The following CCDC60 variants were observed in gnomAD, a reference collection of about 807,000 sequenced individuals.
CCDC60 encodes the protein coiled-coil domain containing 60.
CCDC60 carries 54 observed loss-of-function variants against 63.5 expected under a neutral mutation model. That is an observed-to-expected ratio of 0.85 (90% CI 0.68 to 1.07). CCDC60 has a LOEUF of 1.07. Ranked by LOEUF, CCDC60 falls within the 50% of genes least tolerant of loss-of-function variation. The probability of loss-of-function intolerance (pLI) is 0.00; values close to 1 mark genes in which losing one functional copy is unlikely to be tolerated. For synonymous variants in CCDC60, 206 were observed against 238.8 expected (o/e 0.86, Z 1.27); for missense variants, 651 against 684.3 (o/e 0.95, Z 0.54).
intron 10 of CCDC60, among the ~76,000 whole-genome samples, chr12:119,523,252 C>T (rs1952578322): frequency 6.6e-6 from 1 of 152,210 alleles, no homozygotes; most frequent in Admixed American, 6.5e-5. Flanking sequence ...CATTACCTTG[C>T]TTGTTCCTCA....
chr12:119,440,800 G>C (rs1351645964), intron 2 of CCDC60, among the ~76,000 whole-genome samples: 1 of 152,188 alleles, frequency 6.6e-6, no homozygotes, highest in Non-Finnish European at 1.5e-5. Context: ...TTGCCCTTTA[G>C]AGGTGTACCA....
chr12:119,532,947 T>C (rs545358706), intron 13 of CCDC60, among the ~76,000 whole-genome samples: 1 of 152,332 alleles, frequency 6.6e-6, no homozygotes, highest in East Asian at 1.9e-4. Context: ...ATGGGATTGC[T>C]GGATCAAATG....
chr12:119,467,454 C>A (rs138725397), intron 2 of CCDC60, among the ~76,000 whole-genome samples: 1 of 152,152 alleles, frequency 6.6e-6, no homozygotes, highest in Non-Finnish European at 1.5e-5. Context: ...TTTGTGAATG[C>A]GATTAGTGCC....
intron 2 of CCDC60, among the ~76,000 whole-genome samples, chr12:119,438,588 G>C (rs1334728226): frequency 2.6e-5 from 4 of 152,192 alleles, no homozygotes; most frequent in Non-Finnish European, 5.9e-5. Flanking sequence ...GGGAGAGAGA[G>C]ATAACAAGAT....
Position 119,432,730 on chromosome 12 carries a change from A to G in CCDC60, c.170+3968A>G, listed in dbSNP as rs185972058. 2.3e-3 allele frequency among the ~76,000 whole-genome samples: 344 copies of G among 152,344 alleles called. 1 individual carries two copies. Among genetic ancestry groups the G allele is most frequent in the Non-Finnish European group, 3.6e-3 (243 of 68,040 alleles). On this transcript the variant is annotated intron_variant, in intron 2 of 13. Coordinates refer to ENST00000327554, the MANE Select transcript of CCDC60 (RefSeq NM_178499.5). Reference sequence around the variant, plus strand: ...GAGCCCACTGCTAAATTTTCAGTGGAAAATTATTGAACCAATTATTAAACA... The same window carrying G: ...GAGCCCACTGCTAAATTTTCAGTGGGAAATTATTGAACCAATTATTAAACA...
intron 1 of CCDC60, among the ~76,000 whole-genome samples, chr12:119,383,049 T>G (rs1200379091): frequency 2.0e-5 from 3 of 152,128 alleles, no homozygotes; most frequent in African/African-American, 4.8e-5. Flanking sequence ...CACTGGAAAT[T>G]AAATTAATTA....
intron 11 of CCDC60, among the ~76,000 whole-genome samples, chr12:119,527,300 A>G (rs1035176436): frequency 2.0e-5 from 3 of 152,202 alleles, no homozygotes; most frequent in Admixed American, 6.5e-5. Context: ...GAGCAAAAAA[A>G]TAACTATTGG....
intron 7 of CCDC60, among the ~76,000 whole-genome samples, chr12:119,505,872 T>G (rs945353406): frequency 6.6e-6 from 1 of 152,216 alleles, no homozygotes; most frequent in Non-Finnish European, 1.5e-5. Flanking sequence ...AGCATTTTTT[T>G]AAATTTAGCC....
intron 1 of CCDC60, among the ~76,000 whole-genome samples, chr12:119,367,632 A>G (rs1443190655): frequency 2.6e-5 from 4 of 152,146 alleles, no homozygotes; most frequent in Admixed American, 6.5e-5. Context: ...AAAGTCCGTG[A>G]AGTGACAAAC....
chr12:119,433,006 G>A (rs913711213), intron 2 of CCDC60, among the ~76,000 whole-genome samples: 2 of 152,188 alleles, frequency 1.3e-5, no homozygotes, highest in African/African-American at 4.8e-5. Context: ...TATATAAGGA[G>A]TGCTACAACA....
At chr12:119,484,003 T>C (rs1951383619) in intron 4 of CCDC60, among the ~76,000 whole-genome samples, 1 of 152,066 alleles carries the variant, frequency 6.6e-6, no homozygotes, top group South Asian at 2.1e-4. Context: ...AGGGCACTTT[T>C]TATAAACAGA....
At chr12:119,458,367 G>C (rs1307255675) in intron 2 of CCDC60, among the ~76,000 whole-genome samples, 1 of 152,206 alleles carries the variant, frequency 6.6e-6, no homozygotes, top group East Asian at 1.9e-4. Flanking sequence ...TGTAGGTAGA[G>C]CTGGAAAATG....
chr12:119,405,304 G>A (rs1226948483), intron 1 of CCDC60, among the ~76,000 whole-genome samples: 3 of 152,220 alleles, frequency 2.0e-5, no homozygotes, highest in Non-Finnish European at 2.9e-5. Context: ...TTGGTCATAA[G>A]TAATTAAGGA....
intron 7 of CCDC60, among the ~76,000 whole-genome samples, chr12:119,506,470 A>G (rs1349468887): frequency 1.4e-5 from 2 of 147,890 alleles, no homozygotes; most frequent in East Asian, 2.0e-4. Context: ...AAAATTAGCC[A>G]TGCATGGTGG....
At chr12:119,404,564 A>G (rs1052448887) in intron 1 of CCDC60, among the ~76,000 whole-genome samples, 9 of 152,204 alleles carry the variant, frequency 5.9e-5, no homozygotes, top group African/African-American at 2.2e-4. Context: ...ATATCTGGAC[A>G]GTGAGGATGA....
intron 2 of CCDC60, 184 bp downstream of exon 2, chr12:119,428,946 C>A (rs1323199789): frequency 2.0e-6 from 1 of 490,384 alleles, no homozygotes; most frequent in African/African-American, 2.1e-5. Flanking sequence ...GCTGGACTTT[C>A]CAGGGAGTAC....
intron 3 of CCDC60, among the ~76,000 whole-genome samples, chr12:119,472,576 CTTTTTT>C (rs11303138): frequency 5.1e-5 from 5 of 97,654 alleles, no homozygotes; most frequent in East Asian, 3.8e-4. Flanking sequence ...AAAATGCCTC[CTTTTTT>C]TTTTTTTTTT....
At chr12:119,520,277 C>A in intron 9 of CCDC60, 85 bp downstream of exon 9, 2 of 1,140,386 alleles carry the variant, frequency 1.8e-6, no homozygotes, top group Non-Finnish European at 2.6e-6. Flanking sequence ...CCTCCCCAGA[C>A]CATGGAAAGT....
At chr12:119,536,093 G>C (rs957113896) in intron 13 of CCDC60, among the ~76,000 whole-genome samples, 3 of 152,110 alleles carry the variant, frequency 2.0e-5, no homozygotes, top group Non-Finnish European at 2.9e-5. Flanking sequence ...TTGAATCTGG[G>C]TGCTCCTGTA....
Sources: gnomAD v4.1 joint callset for allele counts (sites outside exome capture counted in the v4.1 genomes callset) on GRCh38, gnomAD v4.1.1 for gene constraint, MANE v1.5 for transcripts, NCBI Gene and HGNC (gene_info 2026-07-23, HGNC 2026-07-21) for gene names.